Variants in PLCH2 observed in about 807,000 individuals in gnomAD.
PLCH2 encodes 1-phosphatidylinositol 4,5-bisphosphate phosphodiesterase eta-2.
A neutral mutation model predicts 134.7 loss-of-function variants in PLCH2; 98 were observed. The observed-to-expected ratio is 0.73, with a 90% CI of 0.62 to 0.86. The LOEUF (loss-of-function observed/expected upper bound fraction) is 0.86, where lower values mean the gene tolerates loss of function less well. Among genes scored for constraint, PLCH2 ranks in the 40% least tolerant of loss-of-function variants. The probability of loss-of-function intolerance (pLI) is 0.00; values close to 1 mark genes in which losing one functional copy is unlikely to be tolerated. For synonymous variants in PLCH2, 974 were observed against 827.5 expected, an observed-to-expected ratio of 1.18 and a Z score of -3.04; for missense variants, 1,994 against 1,986.6, an observed-to-expected ratio of 1.00 and a Z score of -0.07.
intron 1 of PLCH2, among the ~76,000 whole-genome samples, chr1:2,427,351 G>A (rs1175229985): frequency 6.6e-6 from 1 of 152,186 alleles, no homozygotes; most frequent in Non-Finnish European, 1.5e-5. Context: ...GTCAGGTGCT[G>A]GGGGCAGCCG....
Position 2,504,863 on chromosome 1 carries a change from G to A in PLCH2, c.3901G>A (p.Glu1301Lys). 3.1e-6 allele frequency: 5 copies of A among 1,598,008 alleles called. No individual in the cohort carries two copies. Among genetic ancestry groups the A allele is most frequent in the Non-Finnish European group, 4.3e-6 (5 of 1,172,448 alleles). Residue 1301 changes from glutamate to lysine, a missense_variant, in exon 22 of 22, where the codon GAG becomes AAG. Around this residue, in one of 2 missense-constraint regions of PLCH2, gnomAD observed 900 missense variants for 752.3 expected, o/e 1.20. Coordinates refer to ENST00000378486, the MANE Select transcript of PLCH2 (RefSeq NM_014638.4). Reference sequence around the variant, plus strand: ...AGGGGTGAGACGGGACACCCTGACAGAGCAGCTGCGCTGGCTCACTGTCTT... The same window carrying A: ...AGGGGTGAGACGGGACACCCTGACAAAGCAGCTGCGCTGGCTCACTGTCTT... ...GPGVRRDTLT[E>K]QLRWLTVFQQ...
upstream of PLCH2, among the ~76,000 whole-genome samples, chr1:2,421,931 G>T (rs1180944043): frequency 6.6e-6 from 1 of 151,666 alleles, no homozygotes; most frequent in African/African-American, 2.4e-5. Context: ...CCAAGATCAC[G>T]CCACTACACT....
the PLCH2 span, among the ~76,000 whole-genome samples, chr1:2,417,538 A>AC: frequency 6.6e-6 from 1 of 152,078 alleles, no homozygotes; most frequent in East Asian, 1.9e-4. Context: ...GCCGGAGAGG[A>AC]CCCACGAGGG....
chr1:2,461,049 A>G (rs993604969), intron 2 of PLCH2, among the ~76,000 whole-genome samples: 3 of 152,294 alleles, frequency 2.0e-5, no homozygotes, highest in Admixed American at 2.0e-4. Flanking sequence ...GGGTGGGGCC[A>G]GGTGGCCAGC....
chr1:2,491,048 T>C (rs943564215), intron 10 of PLCH2, 144 bp from the exon 11 acceptor site: 1 of 754,266 alleles, frequency 1.3e-6, no homozygotes, highest in Non-Finnish European at 2.1e-6. Context: ...CCGTCCTGCC[T>C]GTGGCTGCCT....
rs759444653 is a variant in PLCH2, at chr1:2,498,937, T to C, written c.2434+109T>C. 79 of 1,339,912 alleles carry C rather than the reference T, an allele frequency of 5.9e-5. 1 individual carries two copies. In the Middle Eastern group the frequency reaches 1.4e-3, roughly 23 times the overall value. The allele number at this position is 1,339,912 out of a possible 1,614,324, so 83.0% of individuals were successfully genotyped here. ...CTGCCCAGGCCTCCCTCAGTGACAGTCCTGGGCGCCCTCCCCTCTAGGTGG... is the reference window on the plus strand; with the variant it reads ...CTGCCCAGGCCTCCCTCAGTGACAGCCCTGGGCGCCCTCCCCTCTAGGTGG... On this transcript the variant is annotated intron_variant, in intron 18 of 21. Transcript: ENST00000378486. This position sits in a 1 kb window ranked among gnomAD's most constrained non-coding sequence, Gnocchi z 5.4.
intron 2 of PLCH2, among the ~76,000 whole-genome samples, chr1:2,437,818 A>G (rs1043054521): frequency 1.5e-4 from 23 of 152,116 alleles, no homozygotes; most frequent in African/African-American, 5.3e-4. Context: ...TACATACAAC[A>G]CATGTTCACA....
chr1:2,499,938 G>A, intron 20 of PLCH2: 1 of 604,516 alleles, frequency 1.7e-6, no homozygotes, highest in South Asian at 1.9e-5. Context: ...GGCTGGCTTT[G>A]GGCATCTCGG....
upstream of PLCH2, among the ~76,000 whole-genome samples, chr1:2,424,186 C>G (rs1198557877): frequency 6.6e-6 from 1 of 152,178 alleles, no homozygotes; most frequent in Non-Finnish European, 1.5e-5. Flanking sequence ...ATAACCATCA[C>G]CTCAGATATT....
At position 2,503,942 on chromosome 1, in the gene PLCH2, C is replaced by T; in HGVS notation, c.2980C>T (p.Gln994Ter). 7.6e-7 allele frequency: 1 copy of T among 1,323,090 alleles called. No individual in the cohort carries two copies. Among genetic ancestry groups the T allele is most frequent in the Non-Finnish European group, 1.1e-6 (1 of 945,024 alleles). The allele number at this position is 1,323,090 out of a possible 1,614,324, so 82.0% of individuals were successfully genotyped here. ...SPRDTRPLSTQRPLPPLCSLE... is the reference protein window; with the variant it reads ...SPRDTRPLST ...CACAGACACCCGCCCCCTCTCCACG[C>T]AGCGGCCACTCCCCCCACTGTGCAG... The change falls in exon 22 of 22, where the codon CAG (glutamine) becomes TAG (stop). Residue 994 changes from glutamine to a stop codon, truncating the protein, a stop_gained. Transcript: ENST00000378486. LOFTEE classifies it high-confidence loss of function.
chr1:2,430,080 A>G (rs1474285020), intron 1 of PLCH2, among the ~76,000 whole-genome samples: 1 of 152,128 alleles, frequency 6.6e-6, no homozygotes, highest in Non-Finnish European at 1.5e-5. Context: ...TGACTGCCCC[A>G]GAGACTTGGG....
chr1:2,503,468 C>T, intron 21 of PLCH2: 5 of 609,508 alleles, frequency 8.2e-6, no homozygotes, highest in South Asian at 3.8e-5. Flanking sequence ...CCCAGGGCTT[C>T]GCTGCTTTGG....
At chr1:2,473,606 T>C (rs3001350), upstream of PLCH2, among the ~76,000 whole-genome samples, 24,177 of 152,232 alleles carry the variant, frequency 0.16, 6,375 homozygotes, top group African/African-American at 0.55. Context: ...GCCTCTGTCC[T>C]GCCCGTCCCT....
intron 2 of PLCH2, among the ~76,000 whole-genome samples, chr1:2,433,575 T>C (rs1423626302): frequency 6.6e-6 from 1 of 152,142 alleles, no homozygotes; most frequent in Non-Finnish European, 1.5e-5. Context: ...AGCAGGAGCC[T>C]CCCCGGGGGC....
chr1:2,434,112 G>C (rs1338445784), intron 2 of PLCH2, among the ~76,000 whole-genome samples: 1 of 152,254 alleles, frequency 6.6e-6, no homozygotes, highest in Non-Finnish European at 1.5e-5. Context: ...GGTCTCCCTG[G>C]GTGGCGTTTG....
chr1:2,453,175 A>G (rs1333232916), intron 2 of PLCH2, among the ~76,000 whole-genome samples: 1 of 152,120 alleles, frequency 6.6e-6, no homozygotes, highest in Non-Finnish European at 1.5e-5. Flanking sequence ...CCAGTGGGGC[A>G]GCCGGGACAA....
Position 2,438,240 on chromosome 1 carries a change from G to A in PLCH2, c.115+7611G>A, listed in dbSNP as rs72644609. The stretch of plus-strand genomic sequence containing the variant: ...CGGCAGACGGTGTGTGCTGGCGCCC[G>A]GCCCTGTGCAGGCGACAGTTGGTTT... On this transcript the variant is annotated intron_variant, in intron 2 of 3. Coordinates refer to the PLCH2 transcript ENST00000609981. 9.1e-3 allele frequency among the ~76,000 whole-genome samples: 1,386 copies of A among 152,362 alleles called. 9 individuals carry two copies. Among genetic ancestry groups the A allele is most frequent in the East Asian group, 0.03 (157 of 5,184 alleles).
intron 2 of PLCH2, among the ~76,000 whole-genome samples, chr1:2,447,762 C>T (rs369253089): frequency 3.7e-4 from 57 of 152,344 alleles, no homozygotes; most frequent in African/African-American, 1.3e-3. Context: ...CTGCCCACTT[C>T]GGGGCAGCTG....
At chr1:2,483,783 G>A (rs1249069772) in intron 4 of PLCH2, among the ~76,000 whole-genome samples, 4 of 144,330 alleles carry the variant, frequency 2.8e-5, no homozygotes, top group African/African-American at 7.9e-5. Flanking sequence ...GCTGACCCCC[G>A]TTTGGGGGGG....
Sources: allele counts gnomAD v4.1 joint callset (sites outside exome capture counted in the v4.1 genomes callset), GRCh38; gene constraint gnomAD v4.1.1; regional missense constraint gnomAD v4.1.1; non-coding constraint Gnocchi (gnomAD v3.1); transcripts MANE v1.5; gene names NCBI Gene and HGNC (gene_info 2026-07-23, HGNC 2026-07-21).